PCDH15: variants seen among roughly 807,000 people sequenced by gnomAD.
PCDH15 encodes protocadherin-15.
PCDH15 carries 129 observed loss-of-function variants against 178.5 expected under a neutral mutation model. That is an observed-to-expected ratio of 0.72 (90% CI 0.63 to 0.84). The LOEUF (loss-of-function observed/expected upper bound fraction) is 0.84, where lower values mean the gene tolerates loss of function less well. Among genes scored for constraint, PCDH15 ranks in the 40% least tolerant of loss-of-function variants. The probability of loss-of-function intolerance (pLI) is 0.00; values close to 1 mark genes in which losing one functional copy is unlikely to be tolerated. For missense variants in PCDH15, 2,230 were observed against 2,099.9 expected, an observed-to-expected ratio of 1.06 and a Z score of -1.21; for synonymous variants, 800 against 732.0, an observed-to-expected ratio of 1.09 and a Z score of -1.50.
chr10:54,019,435 G>A (rs962917564), intron 20 of PCDH15, among the ~76,000 whole-genome samples: 28 of 152,060 alleles, frequency 1.8e-4, no homozygotes, highest in Non-Finnish European at 2.9e-4. Flanking sequence ...GTTTATGATG[G>A]TCCCCATGGG....
chr10:55,612,905 T>C (rs746879758), intron 2 of PCDH15, among the ~76,000 whole-genome samples: 1 of 151,898 alleles, frequency 6.6e-6, no homozygotes, highest in Non-Finnish European at 1.5e-5. Context: ...TGAAACAATA[T>C]ACAAACTATA....
chr10:54,095,222 G>T (rs1328878008), intron 15 of PCDH15, among the ~76,000 whole-genome samples: 2 of 151,926 alleles, frequency 1.3e-5, no homozygotes, highest in Non-Finnish European at 2.9e-5. Flanking sequence ...CAGTACAGCA[G>T]TGTTTCAAAA....
intron 1 of PCDH15, among the ~76,000 whole-genome samples, chr10:55,291,549 G>C (rs569358979): frequency 6.6e-6 from 1 of 152,158 alleles, no homozygotes; most frequent in Non-Finnish European, 1.5e-5. Context: ...GATTAAATAA[G>C]TGAAATCCCT....
intron 15 of PCDH15, among the ~76,000 whole-genome samples, chr10:54,096,202 T>C (rs906368744): frequency 4.0e-5 from 6 of 151,724 alleles, no homozygotes; most frequent in African/African-American, 1.5e-4. Flanking sequence ...TATCTCGAGT[T>C]TCCCTTCACC....
intron 18 of PCDH15, among the ~76,000 whole-genome samples, chr10:54,051,897 T>C (rs1911387): frequency 0.4 from 60,775 of 151,882 alleles, 12,659 homozygotes; most frequent in Middle Eastern, 0.54. Flanking sequence ...TCTGCCTGCT[T>C]CAGCTCCAGC....
intron 1 of PCDH15, among the ~76,000 whole-genome samples, chr10:55,186,716 C>T (rs1236662289): frequency 6.6e-6 from 1 of 150,792 alleles, no homozygotes; most frequent in Non-Finnish European, 1.5e-5. Flanking sequence ...AACTACCAGT[C>T]TTTAACAGTT....
chr10:54,416,119 A>G (rs1326793021), intron 3 of PCDH15, among the ~76,000 whole-genome samples: 1 of 152,096 alleles, frequency 6.6e-6, no homozygotes, highest in Non-Finnish European at 1.5e-5. Flanking sequence ...ACATGCCACC[A>G]TGCCAAGCTA....
chr10:55,446,684 G>A (rs1032732150), intron 2 of PCDH15, among the ~76,000 whole-genome samples: 20 of 152,104 alleles, frequency 1.3e-4, no homozygotes, highest in Non-Finnish European at 2.9e-4. Context: ...AAGCAAAAGT[G>A]TGCTAATATT....
chr10:55,447,155 T>C (rs1839335374), intron 2 of PCDH15, among the ~76,000 whole-genome samples: 1 of 151,976 alleles, frequency 6.6e-6, no homozygotes, highest in South Asian at 2.1e-4. Flanking sequence ...AACAACAAAA[T>C]GGATATGAAA....
intron 8 of PCDH15, among the ~76,000 whole-genome samples, chr10:54,242,124 CTATTTTTATATATATATATA>C (rs1225981915): frequency 1.6e-4 from 10 of 62,248 alleles, no homozygotes; most frequent in African/African-American, 5.9e-4. Context: ...GGTCTGAATT[CTATTTTTATATATATATATA>C]TATATATATA....
intron 26 of PCDH15, among the ~76,000 whole-genome samples, chr10:53,874,362 T>G (rs2080077441): frequency 6.6e-6 from 1 of 152,174 alleles, no homozygotes; most frequent in African/African-American, 2.4e-5. Context: ...AACTTAAACT[T>G]TGCTATTGAG....
chr10:54,069,658 T>C (rs1195533459), intron 17 of PCDH15, among the ~76,000 whole-genome samples: 2 of 152,196 alleles, frequency 1.3e-5, no homozygotes, highest in Non-Finnish European at 2.9e-5. Context: ...ACTATTGTTC[T>C]GAACCTATGG....
At chr10:54,510,572 G>T (rs2081563717) in intron 3 of PCDH15, among the ~76,000 whole-genome samples, 1 of 152,092 alleles carries the variant, frequency 6.6e-6, no homozygotes, top group South Asian at 2.1e-4. Context: ...AACTACAATG[G>T]ACTAACACAG....
At chr10:53,842,406 T>G (rs916653960) in intron 28 of PCDH15, among the ~76,000 whole-genome samples, 3 of 152,028 alleles carry the variant, frequency 2.0e-5, no homozygotes, top group Non-Finnish European at 2.9e-5. Context: ...CCACCACACC[T>G]GGCTAATTTT....
At chr10:55,305,506 C>T (rs1843399816) in intron 1 of PCDH15, among the ~76,000 whole-genome samples, 1 of 152,170 alleles carries the variant, frequency 6.6e-6, no homozygotes, top group Non-Finnish European at 1.5e-5. Context: ...TCCCTCATGG[C>T]ACAGAGCTGC....
chr10:55,152,437 G>C (rs1313185196), intron 2 of PCDH15, among the ~76,000 whole-genome samples: 2 of 152,002 alleles, frequency 1.3e-5, no homozygotes, highest in African/African-American at 4.8e-5. Flanking sequence ...CATTTTAATG[G>C]GTATATAATT....
chr10:54,775,375 A>T (rs1949572234), intron 1 of PCDH15, among the ~76,000 whole-genome samples: 1 of 152,206 alleles, frequency 6.6e-6, no homozygotes, highest in Non-Finnish European at 1.5e-5. Flanking sequence ...TAATAGTTAT[A>T]CATGTTTATG....
At chr10:54,806,474 G>C (rs1952779333) in intron 3 of PCDH15, among the ~76,000 whole-genome samples, 3 of 151,198 alleles carry the variant, frequency 2.0e-5, no homozygotes, top group Non-Finnish European at 4.4e-5. Flanking sequence ...ATGACTGAAG[G>C]TTCTGGCTTG....
chr10:55,513,346 C>G (rs899404451), intron 2 of PCDH15: 1 of 152,100 alleles, frequency 6.6e-6, no homozygotes, highest in Non-Finnish European at 1.5e-5. Flanking sequence ...TTGTTTTGCT[C>G]TGTCTGAAAC....
Sources: gnomAD v4.1 joint callset for allele counts (sites outside exome capture counted in the v4.1 genomes callset) on GRCh38, gnomAD v4.1.1 for gene constraint, MANE v1.5 for transcripts, NCBI Gene and HGNC (gene_info 2026-07-23, HGNC 2026-07-21) for gene names.